The following ZDHHC18 variants were observed in gnomAD, a reference collection of about 807,000 sequenced individuals.
The protein encoded by ZDHHC18 is palmitoyltransferase ZDHHC18.
In ZDHHC18, 23 loss-of-function variants were observed where a neutral mutation model predicts 37.5. The ratio of observed to expected loss-of-function variants is 0.61; its 90% CI spans 0.44 to 0.87. The LOEUF (loss-of-function observed/expected upper bound fraction) is 0.87, where lower values mean the gene tolerates loss of function less well. Ranked by LOEUF, ZDHHC18 falls within the 40% of genes least tolerant of loss-of-function variation. ZDHHC18 has a pLI of 0.00. For synonymous variants in ZDHHC18, 185 were observed against 218.7 expected (o/e 0.85, Z 1.36); for missense variants, 406 against 525.6 (o/e 0.77, Z 2.22).
chr1:26,847,586 T>C (rs2081676895), intron 2 of ZDHHC18, among the ~76,000 whole-genome samples: 1 of 152,212 alleles, frequency 6.6e-6, no homozygotes, highest in Admixed American at 6.5e-5. Context: ...GTGTTTTGTT[T>C]TGTTTTTCAA....
Position 26,850,194 on chromosome 1 carries a change from C to A in ZDHHC18, c.647-107C>A. On this transcript the variant is annotated intron_variant, in intron 3 of 7. Transcript: ENST00000374142. This position sits in a 1 kb window ranked among gnomAD's most constrained non-coding sequence, Gnocchi z 6.1. ...AAGGCCTGGGAGCCAGCTGGTGCTG[C>A]GAGAGTGAACGGGGTAGGAAAGCCC... 1 of 1,415,568 alleles carries A rather than the reference C, an allele frequency of 7.1e-7. No homozygotes were observed. The highest frequency in any genetic ancestry group is 1.3e-5 in the South Asian group (1 of 74,600). 87.7% of individuals were successfully genotyped at this position (1,415,568 alleles called of 1,614,324 possible). A position where few individuals can be genotyped will look rare whatever the true frequency, so the allele number is the denominator to read the frequency against.
chr1:26,853,975 G>A lies in ZDHHC18; in HGVS notation c.*132G>A. On this transcript the variant is annotated 3_prime_UTR_variant, in exon 8 of 8. Coordinates refer to ENST00000374142, the MANE Select transcript of ZDHHC18 (RefSeq NM_032283.3). The stretch of plus-strand genomic sequence containing the variant: ...TCTTTTCATATTTATTTCCCATCCT[G>A]CGTGGCTTTCCCTGAACTGTTCCGT... The A allele has an allele frequency of 1.2e-6, 1 of 858,592 alleles. No individual in the cohort carries two copies. The highest frequency in any genetic ancestry group is 3.6e-4 in the Middle Eastern group (1 of 2,814). 53.2% of individuals were successfully genotyped at this position (858,592 alleles called of 1,614,324 possible). A position where few individuals can be genotyped will look rare whatever the true frequency, so the allele number is the denominator to read the frequency against.
In ZDHHC18 at chr1:26,846,272, ATG is replaced by A. The variant is rs1233342256; in HGVS notation, c.497-2318_497-2317del. 2.9e-3 allele frequency among the ~76,000 whole-genome samples: 248 copies of A among 84,890 alleles called. 9 individuals are homozygous for A. The highest frequency in any genetic ancestry group is 5.3e-3 in the African/African-American group (108 of 20,372). 55.7% of individuals were successfully genotyped at this position (84,890 alleles called of 152,430 possible). ...TAGATATATATCTCTATAGAGATAT[ATG>A]TGTGTGTGTGTGTGTGTATATATAT... On this transcript the variant is annotated intron_variant, in intron 2 of 7. Coordinates refer to ENST00000374142, the MANE Select transcript of ZDHHC18 (RefSeq NM_032283.3).
At position 26,832,456 on chromosome 1, in the gene ZDHHC18, C is replaced by G; in HGVS notation, c.345C>G (p.Tyr115Ter). The G allele has an allele frequency of 6.2e-7, 1 of 1,614,146 alleles. No individual in the cohort carries two copies. The highest frequency in any genetic ancestry group is 1.3e-5 in the African/African-American group (1 of 75,026). Residue 115 changes from tyrosine (Y) to a stop codon, truncating the protein, a stop_gained, in exon 2 of 8, where the codon TAC becomes TAG. Coordinates refer to ENST00000374142, the MANE Select transcript of ZDHHC18 (RefSeq NM_032283.3). LOFTEE classifies it high-confidence loss of function. ...TGLFFVFDCP[Y>*]LARKLTLAIP... Reference sequence around the variant, plus strand: ...CCATCTCTCGTTCTAGCTGTCCCTACCTGGCTCGCAAGCTGACCCTTGCCA... The same window carrying G: ...CCATCTCTCGTTCTAGCTGTCCCTAGCTGGCTCGCAAGCTGACCCTTGCCA...
intron 1 of ZDHHC18, among the ~76,000 whole-genome samples, chr1:26,829,548 C>T (rs1450277351): frequency 6.6e-6 from 1 of 152,140 alleles, no homozygotes; most frequent in East Asian, 1.9e-4. Context: ...CCCTCCTGCA[C>T]CTCTCTTCTC....
At chr1:26,843,214 C>A (rs1231570644) in intron 2 of ZDHHC18, among the ~76,000 whole-genome samples, 1 of 150,466 alleles carries the variant, frequency 6.6e-6, no homozygotes, top group Non-Finnish European at 1.5e-5. Flanking sequence ...GACTGTTCAG[C>A]TCACTGCAAC....
chr1:26,852,233 G>A (rs951978615), intron 6 of ZDHHC18, among the ~76,000 whole-genome samples: 1 of 152,212 alleles, frequency 6.6e-6, no homozygotes, highest in Admixed American at 6.5e-5. Flanking sequence ...TAAAGTCAAG[G>A]TATTCTTTAT....
chr1:26,834,040 C>A (rs1231712413), intron 2 of ZDHHC18, among the ~76,000 whole-genome samples: 3 of 152,178 alleles, frequency 2.0e-5, no homozygotes, highest in African/African-American at 7.2e-5. Flanking sequence ...GGTCCCTGGC[C>A]ACTCCTTCAG....
rs1570675618 is a variant in ZDHHC18, at chr1:26,850,476, T to C, written c.784+38T>C. 6.2e-7 allele frequency: 1 copy of C among 1,613,904 alleles called. No homozygotes were observed. On this transcript the variant is annotated intron_variant, in intron 4 of 7. Transcript: ENST00000374142. The surrounding 1 kb of genome is among the most constrained non-coding windows in gnomAD (Gnocchi z 6.1). ...TGAGGGCAGTGGGGAGTGGAAGGGG[T>C]CAGCCAGCAAGCTCAAGGGTCAGCA...
intron 2 of ZDHHC18, among the ~76,000 whole-genome samples, chr1:26,840,864 T>C (rs1165393084): frequency 6.6e-6 from 1 of 151,844 alleles, no homozygotes; most frequent in Non-Finnish European, 1.5e-5. Flanking sequence ...CCTTCAACTT[T>C]CCCTTCAACT....
chr1:26,826,806 TGAA>T lies in ZDHHC18; in HGVS notation c.4_6del (p.Lys2?), dbSNP rs2081558780. 3 of 980,372 alleles carry T rather than the reference TGAA, an allele frequency of 3.1e-6. No individual in the cohort carries two copies. The highest frequency in any genetic ancestry group is 3.6e-6 in the Non-Finnish European group (3 of 827,950). The allele number at this position is 980,372 out of a possible 1,614,324, so 60.7% of individuals were successfully genotyped here. A position where few individuals can be genotyped will look rare whatever the true frequency, so the allele number is the denominator to read the frequency against. The stretch of plus-strand genomic sequence containing the variant: ...GAGCCGAGGCCCGCGGCTGGCTGCA[TGAA>T]GGACTGCGAGTACCAGCAGATCAGC... On this transcript the variant is annotated start_lost and inframe_deletion, in exon 1 of 8. Coordinates refer to ENST00000374142, the MANE Select transcript of ZDHHC18 (RefSeq NM_032283.3). This position sits in a 1 kb window ranked among gnomAD's most constrained non-coding sequence, Gnocchi z 5.2.
intron 7 of ZDHHC18, among the ~76,000 whole-genome samples, 159 bp from the exon 8 acceptor site, chr1:26,853,567 G>GT (rs909358625): frequency 1.3e-5 from 2 of 152,214 alleles, no homozygotes; most frequent in African/African-American, 4.8e-5. Flanking sequence ...CCTGCCAGAG[G>GT]TAAGAGTCTT....
chr1:26,845,320 C>CTT (rs71007896), intron 2 of ZDHHC18, among the ~76,000 whole-genome samples: 1,674 of 45,242 alleles, frequency 0.037, 435 homozygotes, highest in Middle Eastern at 0.08. Flanking sequence ...CTTCTTCATT[C>CTT]TTTTTTTTTT....
intron 1 of ZDHHC18, among the ~76,000 whole-genome samples, chr1:26,828,702 C>CG (rs1553157009): frequency 6.6e-6 from 1 of 151,418 alleles, no homozygotes; most frequent in African/African-American, 2.4e-5. Flanking sequence ...ACACTCTGCC[C>CG]TTTTTTTTGA....
intron 2 of ZDHHC18, among the ~76,000 whole-genome samples, chr1:26,839,253 G>A (rs536899485): frequency 2.0e-5 from 3 of 152,352 alleles, no homozygotes; most frequent in Non-Finnish European, 4.4e-5. Flanking sequence ...GCTGGCATAA[G>A]GGCACCTTTT....
At position 26,854,168 on chromosome 1, in the gene ZDHHC18, C is replaced by T. The variant is rs990885063; in HGVS notation, c.*325C>T. Reference sequence around the variant, plus strand: ...TGTGTGAGTGAGGCTGTGAACTGAGCGTGAGGCCTCCCAGGTGGGGGAACT... The same window carrying T: ...TGTGTGAGTGAGGCTGTGAACTGAGTGTGAGGCCTCCCAGGTGGGGGAACT... On this transcript the variant is annotated 3_prime_UTR_variant, in exon 8 of 8. Coordinates refer to ENST00000374142, the MANE Select transcript of ZDHHC18 (RefSeq NM_032283.3). The surrounding 1 kb of genome is among the most constrained non-coding windows in gnomAD (Gnocchi z 4.6). 14 of 253,774 alleles carry T rather than the reference C, an allele frequency of 5.5e-5. No individual in the cohort carries two copies. The highest frequency in any genetic ancestry group is 2.5e-4 in the African/African-American group (11 of 44,514). The allele number at this position is 253,774 out of a possible 1,614,324, so 15.7% of individuals were successfully genotyped here.
intron 2 of ZDHHC18, among the ~76,000 whole-genome samples, chr1:26,847,059 T>C (rs2081672475): frequency 6.8e-6 from 1 of 146,184 alleles, no homozygotes; most frequent in South Asian, 2.2e-4. Flanking sequence ...CCACAACCGG[T>C]TAATTTTTTG....
rs532636517 is a variant in ZDHHC18 at position 26,857,473 on chromosome 1, C to T, written c.*3630C>T. ...AGCTAGCCGTGCACAGCCCCATACA[C>T]TTCAGGGGACTAAAGGAAAGAGCTG... On this transcript the variant is annotated 3_prime_UTR_variant, in exon 8 of 8. Coordinates refer to ENST00000374142, the MANE Select transcript of ZDHHC18 (RefSeq NM_032283.3). 5 of 152,256 alleles carry T rather than the reference C, an allele frequency of 3.3e-5. No homozygotes were observed. Among genetic ancestry groups the T allele is most frequent in the Non-Finnish European group, 5.9e-5 (4 of 68,112 alleles). The allele number at this position is 152,256 out of a possible 1,614,324, so 9.4% of individuals were successfully genotyped here.
In ZDHHC18 at chr1:26,838,954, G is replaced by A. The variant is rs76822666; in HGVS notation, c.496+6347G>A. 1.8e-3 allele frequency among the ~76,000 whole-genome samples: 276 copies of A among 152,362 alleles called. 5 individuals are homozygous for A. In the East Asian group the frequency reaches 0.045, roughly 25 times the overall value. ...CTGACCTTGAGCTGGCCTTAGAGGC[G>A]GGGAGACTGCAGTCCTGCAGCTGTT... On this transcript the variant is annotated intron_variant, in intron 2 of 7. Coordinates refer to ENST00000374142, the MANE Select transcript of ZDHHC18 (RefSeq NM_032283.3).
Sources: gnomAD v4.1 joint callset for allele counts (sites outside exome capture counted in the v4.1 genomes callset) on GRCh38, gnomAD v4.1.1 for gene constraint, Gnocchi (gnomAD v3.1) non-coding constraint, MANE v1.5 for transcripts, NCBI Gene and HGNC (gene_info 2026-07-23, HGNC 2026-07-21) for gene names.